The following NAV2 variants were observed in gnomAD, a reference collection of about 807,000 sequenced individuals.
NAV2 encodes the protein neuron navigator 2.
A neutral mutation model predicts 223.2 loss-of-function variants in NAV2; 54 were observed. The observed-to-expected ratio is 0.24, with a 90% CI of 0.19 to 0.30. The LOEUF is 0.30. Among genes scored for constraint, NAV2 ranks in the 10% least tolerant of loss-of-function variants. The probability of loss-of-function intolerance (pLI) is 1.00; values close to 1 mark genes in which losing one functional copy is unlikely to be tolerated. For missense variants in NAV2, 2,806 were observed against 3,147.5 expected, an observed-to-expected ratio of 0.89 and a Z score of 2.60; for synonymous variants, 1,279 against 1,239.3, an observed-to-expected ratio of 1.03 and a Z score of -0.67.
At chr11:19,842,511 T>C (rs549714631) in intron 2 of NAV2, among the ~76,000 whole-genome samples, 92 of 152,366 alleles carry the variant, frequency 6.0e-4, no homozygotes, top group African/African-American at 2.2e-3. Context: ...CACTCTGAAC[T>C]ATTCCGTCTT....
intron 1 of NAV2, among the ~76,000 whole-genome samples, chr11:19,466,992 C>CT (rs1258771701): frequency 2.6e-5 from 3 of 115,138 alleles, no homozygotes; most frequent in South Asian, 3.4e-4. Flanking sequence ...TCTACACACA[C>CT]ACACACACAC....
chr11:19,995,001 A>G (rs2051725651), intron 11 of NAV2, among the ~76,000 whole-genome samples: 1 of 152,212 alleles, frequency 6.6e-6, no homozygotes, highest in South Asian at 2.1e-4. Flanking sequence ...AGTAACTCTG[A>G]TGAAGGCACA....
intron 1 of NAV2, among the ~76,000 whole-genome samples, chr11:19,758,577 G>A (rs1318871772): frequency 2.0e-5 from 3 of 152,320 alleles, no homozygotes; most frequent in Middle Eastern, 3.4e-3. Context: ...GATGGCCAAG[G>A]ACAGGCCCAG....
intron 12 of NAV2, among the ~76,000 whole-genome samples, chr11:20,043,061 T>C (rs543963620): frequency 6.6e-6 from 1 of 152,172 alleles, no homozygotes; most frequent in African/African-American, 2.4e-5. Flanking sequence ...ATATAAATAA[T>C]GCTGGGGTCG....
chr11:20,108,408 A>G (rs2062334245), intron 36 of NAV2, among the ~76,000 whole-genome samples: 1 of 152,144 alleles, frequency 6.6e-6, no homozygotes, highest in Non-Finnish European at 1.5e-5. Flanking sequence ...TAAGGCTGCC[A>G]GTTCCTCCTG....
chr11:19,943,858 T>C (rs1003869172), intron 8 of NAV2, among the ~76,000 whole-genome samples: 1 of 152,144 alleles, frequency 6.6e-6, no homozygotes, highest in Non-Finnish European at 1.5e-5. Context: ...CTATTAATTA[T>C]TATTGTAGTT....
rs553456186 is a variant in NAV2, at chr11:19,996,690, C to T, written c.2768+12443C>T. 1.4e-4 allele frequency among the ~76,000 whole-genome samples: 22 copies of T among 152,294 alleles called. No individual in the cohort carries two copies. The South Asian group carries it at 4.1e-3, about 29-fold the overall frequency. ...GCTGTAAACCCCTGTGGCTGTTTTG[C>T]GTCTCAGTAATGCAGAAAGAAGAGG... On this transcript the variant is annotated intron_variant, in intron 11 of 37. Coordinates refer to ENST00000349880, the MANE Select transcript of NAV2 (RefSeq NM_145117.5).
At chr11:19,624,265 G>C (rs2047096877) in intron 1 of NAV2, among the ~76,000 whole-genome samples, 1 of 152,182 alleles carries the variant, frequency 6.6e-6, no homozygotes, top group African/African-American at 2.4e-5. Flanking sequence ...CAAACTCCAT[G>C]CTGGGAGTAC....
intron 32 of NAV2, among the ~76,000 whole-genome samples, chr11:20,102,878 A>G (rs2061737307): frequency 6.6e-6 from 1 of 152,190 alleles, no homozygotes; most frequent in Admixed American, 6.5e-5. Flanking sequence ...CTGCCACAGC[A>G]CTACTCAGCA....
At chr11:19,859,794 A>T (rs1304232781) in intron 3 of NAV2, among the ~76,000 whole-genome samples, 1 of 137,062 alleles carries the variant, frequency 7.3e-6, no homozygotes, top group African/African-American at 2.8e-5. Context: ...TCCCTCCCGG[A>T]CGGGGCGGCT....
At chr11:19,977,621 T>C (rs1322725906) in intron 10 of NAV2, among the ~76,000 whole-genome samples, 1 of 152,158 alleles carries the variant, frequency 6.6e-6, no homozygotes, top group African/African-American at 2.4e-5. Context: ...GTGGTTTCCA[T>C]GTGTTTCCTT....
intron 17 of NAV2, 93 bp from the exon 18 acceptor site, chr11:20,053,987 G>GT (rs1277130073): frequency 5.4e-6 from 7 of 1,289,198 alleles, no homozygotes; most frequent in Non-Finnish European, 6.4e-6. Flanking sequence ...TCGGATATAT[G>GT]TTTTCTTTTT....
At chr11:19,428,409 A>G (rs1434233789) in intron 1 of NAV2, among the ~76,000 whole-genome samples, 2 of 152,184 alleles carry the variant, frequency 1.3e-5, no homozygotes, top group Non-Finnish European at 2.9e-5. Context: ...GTGGGGCCTC[A>G]CTGAGAATTA....
chr11:19,715,906 G>C (rs1196787227), intron 1 of NAV2, among the ~76,000 whole-genome samples: 2 of 152,146 alleles, frequency 1.3e-5, no homozygotes, highest in East Asian at 3.9e-4. Context: ...TTACCTGCCT[G>C]CCCTCGTTTG....
rs184005543 is a variant in NAV2, at chr11:19,886,884, A to G, written c.771-5550A>G. ...CCTTAGTGTCATATCCCCTACTTAGAGTTTCTTTGAGATACGCTTTTGTCT... is the reference window on the plus strand; with the variant it reads ...CCTTAGTGTCATATCCCCTACTTAGGGTTTCTTTGAGATACGCTTTTGTCT... On this transcript the variant is annotated intron_variant, in intron 5 of 37. Transcript: ENST00000349880. 6.8e-4 allele frequency among the ~76,000 whole-genome samples: 103 copies of G among 152,150 alleles called. 2 individuals carry two copies. The East Asian group carries it at 0.013, about 19-fold the overall frequency.
At chr11:19,454,820 G>A (rs1348070495) in intron 1 of NAV2, among the ~76,000 whole-genome samples, 2 of 152,172 alleles carry the variant, frequency 1.3e-5, no homozygotes, top group African/African-American at 4.8e-5. Flanking sequence ...GGAGGTGGGA[G>A]CACCTTCCAG....
chr11:19,741,496 TC>T (rs60505079), intron 1 of NAV2, among the ~76,000 whole-genome samples: 30,700 of 79,180 alleles, frequency 0.39, 3,786 homozygotes, highest in South Asian at 0.51. Context: ...TTTCTTTCTT[TC>T]TTTTTTTTTT....
At chr11:19,747,977 C>G (rs2053517180) in intron 1 of NAV2, among the ~76,000 whole-genome samples, 1 of 152,098 alleles carries the variant, frequency 6.6e-6, no homozygotes, top group African/African-American at 2.4e-5. Context: ...GGTTTGCAGC[C>G]CAGGAAACCC....
intron 10 of NAV2, among the ~76,000 whole-genome samples, chr11:19,956,796 AGC>A (rs912748694): frequency 2.6e-5 from 4 of 152,006 alleles, no homozygotes; most frequent in Admixed American, 2.6e-4. Context: ...ATTGGCCATC[AGC>A]AATTAAGTCC....
Sources: allele counts gnomAD v4.1 joint callset (sites outside exome capture counted in the v4.1 genomes callset), GRCh38; gene constraint gnomAD v4.1.1; transcripts MANE v1.5; gene names NCBI Gene and HGNC (gene_info 2026-07-23, HGNC 2026-07-21).